Variants in TAS2R1 observed in about 807,000 individuals in gnomAD.
TAS2R1 encodes the protein taste 2 receptor member 1.
For synonymous variants in TAS2R1, 141 were observed against 134.2 expected (o/e 1.05, Z -0.35); for missense variants, 370 against 353.4 (o/e 1.05, Z -0.38).
chr5:9,709,319 CT>C (rs1186138398), intron 1 of TAS2R1, among the ~76,000 whole-genome samples: 1 of 151,854 alleles, frequency 6.6e-6, no homozygotes, highest in African/African-American at 2.4e-5. Context: ...AGTTCAGTTT[CT>C]TTCTCTTCTT....
chr5:9,890,672 T>TGTAA, the TAS2R1 span, among the ~76,000 whole-genome samples: 1 of 152,244 alleles, frequency 6.6e-6, no homozygotes, highest in Non-Finnish European at 1.5e-5. Flanking sequence ...ATTTTAAACA[T>TGTAA]GTAAGTGTCC....
chr5:9,779,626 T>C, the TAS2R1 span, among the ~76,000 whole-genome samples: 2 of 152,256 alleles, frequency 1.3e-5, no homozygotes, highest in African/African-American at 4.8e-5. Context: ...TGCTTACATT[T>C]GATGTCTTAT....
chr5:9,829,171 G>A, the TAS2R1 span, among the ~76,000 whole-genome samples: 2 of 152,148 alleles, frequency 1.3e-5, no homozygotes, highest in Admixed American at 6.5e-5. Context: ...GAAAAATTAC[G>A]GCAAAGTAAT....
the TAS2R1 span, among the ~76,000 whole-genome samples, chr5:9,749,644 T>C: frequency 2.3e-3 from 350 of 152,328 alleles, 1 homozygote; most frequent in African/African-American, 8.0e-3. Context: ...CATGTAGCTG[T>C]TGAAGGGCTC....
At chr5:9,835,254 G>A in the TAS2R1 span, among the ~76,000 whole-genome samples, 1 of 152,232 alleles carries the variant, frequency 6.6e-6, no homozygotes, top group African/African-American at 2.4e-5. Context: ...GGCAACAGGA[G>A]AACAGCAGAG....
At chr5:9,634,630 GT>G (rs1739932772), upstream of TAS2R1, among the ~76,000 whole-genome samples, 1 of 152,066 alleles carries the variant, frequency 6.6e-6, no homozygotes, top group Non-Finnish European at 1.5e-5. Context: ...TTTCAGCAGT[GT>G]TTTGTGTTTT....
chr5:9,842,325 T>G, the TAS2R1 span, among the ~76,000 whole-genome samples: 1 of 143,298 alleles, frequency 7.0e-6, no homozygotes. Context: ...TCTTTTTTTT[T>G]TTTTTTTTTT....
the TAS2R1 span, among the ~76,000 whole-genome samples, chr5:9,847,154 G>A: frequency 6.6e-6 from 1 of 152,174 alleles, no homozygotes. Flanking sequence ...AATCCAAGTT[G>A]ATCTTCCTCT....
rs1334904103 is a variant in TAS2R1 at position 9,628,433 on chromosome 5, A to C, written c.*700T>G. 1.3e-5 allele frequency among the ~76,000 whole-genome samples: 2 copies of C among 151,688 alleles called. No individual in the cohort carries two copies. Among genetic ancestry groups the C allele is most frequent in the Non-Finnish European group, 2.9e-5 (2 of 67,916 alleles). On this transcript the variant is annotated 3_prime_UTR_variant, in exon 1 of 1. Coordinates refer to ENST00000382492, the MANE Select transcript of TAS2R1 (RefSeq NM_019599.3). Reference sequence around the variant, plus strand: ...ATGGAAAACAGGCATTCAGTCCTCTACTCCTCCTCCTCCTCCATCTGTCTT... The same window carrying C: ...ATGGAAAACAGGCATTCAGTCCTCTCCTCCTCCTCCTCCTCCATCTGTCTT...
upstream of TAS2R1, among the ~76,000 whole-genome samples, chr5:9,631,164 A>G (rs1468427049): frequency 6.6e-6 from 1 of 152,212 alleles, no homozygotes; most frequent in Non-Finnish European, 1.5e-5. Context: ...AGGTAGATAA[A>G]GTATAGTTTG....
At chr5:9,630,663 C>G (rs1739857013), upstream of TAS2R1, among the ~76,000 whole-genome samples, 1 of 152,086 alleles carries the variant, frequency 6.6e-6, no homozygotes, top group South Asian at 2.1e-4. Flanking sequence ...CATGTGTACA[C>G]CAGGTCAAAG....
chr5:9,797,354 G>A, the TAS2R1 span, among the ~76,000 whole-genome samples: 32 of 152,278 alleles, frequency 2.1e-4, no homozygotes, highest in African/African-American at 7.7e-4. Context: ...TAGTCAGTGA[G>A]GGTCCTCTCA....
chr5:9,823,174 AAGCAAACC>A, the TAS2R1 span, among the ~76,000 whole-genome samples: 9,884 of 152,194 alleles, frequency 0.065, 379 homozygotes, highest in East Asian at 0.2. Context: ...TAATAATAAA[AAGCAAACC>A]AGTCTTCCCC....
chr5:9,819,296 C>T, the TAS2R1 span, among the ~76,000 whole-genome samples: 2 of 152,188 alleles, frequency 1.3e-5, no homozygotes, highest in Admixed American at 6.5e-5. Context: ...AGGTCACCAT[C>T]GCTCAGAGAT....
At chr5:9,802,340 T>C in the TAS2R1 span, among the ~76,000 whole-genome samples, 1 of 152,012 alleles carries the variant, frequency 6.6e-6, no homozygotes, top group African/African-American at 2.4e-5. Flanking sequence ...ATCACTGCAG[T>C]TCAGCTCCCA....
the TAS2R1 span, among the ~76,000 whole-genome samples, chr5:9,881,706 C>G: frequency 6.6e-6 from 1 of 152,146 alleles, no homozygotes; most frequent in East Asian, 1.9e-4. Flanking sequence ...TAAGACCACA[C>G]ATCTACAATC....
the TAS2R1 span, among the ~76,000 whole-genome samples, chr5:9,719,506 G>A: frequency 9.2e-5 from 14 of 152,178 alleles, no homozygotes; most frequent in Non-Finnish European, 1.9e-4. Context: ...CTCTTCCACT[G>A]AAAACTATTC....
intron 2 of TAS2R1, among the ~76,000 whole-genome samples, chr5:9,653,868 C>T (rs1447394109): frequency 6.6e-6 from 1 of 152,158 alleles, no homozygotes; most frequent in Non-Finnish European, 1.5e-5. Context: ...CCACTCTCTC[C>T]TAAAACCAAG....
the TAS2R1 span, among the ~76,000 whole-genome samples, chr5:9,847,735 G>A: frequency 1.8e-4 from 28 of 152,194 alleles, no homozygotes; most frequent in Non-Finnish European, 2.9e-4. Context: ...GAGTTGTTTC[G>A]CCTCCTAGAA....
Sources: gnomAD v4.1 joint callset for allele counts (sites outside exome capture counted in the v4.1 genomes callset) on GRCh38, gnomAD v4.1.1 for gene constraint, MANE v1.5 for transcripts, NCBI Gene and HGNC (gene_info 2026-07-23, HGNC 2026-07-21) for gene names.